The following PTPRQ variants were observed in gnomAD, a reference collection of about 807,000 sequenced individuals.
PTPRQ encodes the protein protein tyrosine phosphatase receptor type Q.
A neutral mutation model predicts 246.0 loss-of-function variants in PTPRQ; 199 were observed. That is an observed-to-expected ratio of 0.81 (90% confidence interval 0.72 to 0.91). PTPRQ has a LOEUF of 0.91. PTPRQ is among the 40% of genes least tolerant of loss of function. The probability of loss-of-function intolerance (pLI) is 0.00; values close to 1 mark genes in which losing one functional copy is unlikely to be tolerated. For missense variants in PTPRQ, 2,624 were observed against 2,528.4 expected (o/e 1.04, Z -0.81); for synonymous variants, 869 against 853.2 (o/e 1.02, Z -0.32).
intron 35 of PTPRQ, among the ~76,000 whole-genome samples, chr12:80,647,466 G>A (rs144597989): frequency 5.1e-4 from 77 of 152,174 alleles, no homozygotes; most frequent in African/African-American, 1.8e-3. Flanking sequence ...TATCTTAAGG[G>A]AGCTAGGTAG....
At chr12:80,561,345 G>A (rs1014993467) in intron 25 of PTPRQ, 3 of 152,422 alleles carry the variant, frequency 2.0e-5, no homozygotes, top group Non-Finnish European at 4.4e-5. Flanking sequence ...CTTCTTTTAC[G>A]TTCTGAAAAA....
intron 27 of PTPRQ, among the ~76,000 whole-genome samples, chr12:80,606,422 G>A (rs1296808068): frequency 6.6e-6 from 1 of 150,938 alleles, no homozygotes; most frequent in Non-Finnish European, 1.5e-5. Flanking sequence ...TAGCCATTTG[G>A]ATGGAAATCC....
intron 4 of PTPRQ, among the ~76,000 whole-genome samples, chr12:80,458,546 T>C (rs1236391670): frequency 6.6e-6 from 1 of 152,146 alleles, no homozygotes; most frequent in Non-Finnish European, 1.5e-5. Flanking sequence ...TTATTTTTTT[T>C]TTATCTCAGA....
At chr12:80,611,229 T>C (rs1440142779) in intron 28 of PTPRQ, among the ~76,000 whole-genome samples, 1 of 150,340 alleles carries the variant, frequency 6.7e-6, no homozygotes, top group Non-Finnish European at 1.5e-5. Flanking sequence ...AGAAATAAAT[T>C]TGGAAATCAA....
intron 10 of PTPRQ, 136 bp from the exon 11 acceptor site, chr12:80,494,797 T>A (rs1208404705): frequency 1.3e-6 from 1 of 778,130 alleles, no homozygotes; most frequent in African/African-American, 1.8e-5. Context: ...CACACCTAAC[T>A]TTAATAGAGG....
intron 25 of PTPRQ, among the ~76,000 whole-genome samples, chr12:80,560,503 A>G (rs1401877485): frequency 6.6e-6 from 1 of 152,192 alleles, no homozygotes; most frequent in East Asian, 1.9e-4. Context: ...ATGCAAAACA[A>G]TCCACTGTTA....
intron 24 of PTPRQ, among the ~76,000 whole-genome samples, chr12:80,549,242 A>G (rs1282975360): frequency 6.6e-6 from 1 of 152,108 alleles, no homozygotes; most frequent in Non-Finnish European, 1.5e-5. Context: ...ATATTTAGTG[A>G]CTGGTTCAAT....
intron 5 of PTPRQ, 39 bp downstream of exon 5, chr12:80,459,522 T>C (rs1370347187): frequency 5.4e-6 from 2 of 370,564 alleles, no homozygotes; most frequent in South Asian, 2.7e-4. Flanking sequence ...TTGAAAAATC[T>C]TAGATAAATT....
chr12:80,554,133 A>G (rs913266936), intron 25 of PTPRQ, among the ~76,000 whole-genome samples: 2 of 152,184 alleles, frequency 1.3e-5, no homozygotes, highest in African/African-American at 4.8e-5. Context: ...GGTAGAATGA[A>G]TAAGGTCTAG....
intron 26 of PTPRQ, among the ~76,000 whole-genome samples, chr12:80,601,936 T>C (rs924102857): frequency 7.2e-5 from 11 of 151,798 alleles, no homozygotes; most frequent in Non-Finnish European, 1.2e-4. Context: ...GCAGGGTATG[T>C]GTATGATTCC....
chr12:80,469,467 T>C (rs1893554300), intron 7 of PTPRQ, among the ~76,000 whole-genome samples: 1 of 152,124 alleles, frequency 6.6e-6, no homozygotes, highest in African/African-American at 2.4e-5. Context: ...TAGAAGTGAA[T>C]TATGTAAAGT....
intron 25 of PTPRQ, among the ~76,000 whole-genome samples, chr12:80,567,982 C>A (rs1897029290): frequency 2.0e-5 from 3 of 152,062 alleles, no homozygotes; most frequent in Admixed American, 2.0e-4. Flanking sequence ...TCACATTTTT[C>A]TGATGATTCA....
Position 80,510,360 on chromosome 12 carries a change from G to A in PTPRQ, c.2595G>A (p.Gln865=), listed in dbSNP as rs542985845. ...DSPPQDFSVK[Q]LSGVTVKLSW... is the part of the protein sequence containing the mutation. ...CCCCTCAAGACTTCTCTGTAAAACA[G>A]TTGTCTGGTGTCACGGTGAAGTTGT... The change falls in exon 17 of 45, where the codon CAG becomes CAA. Residue 865 remains glutamine (Q), a synonymous_variant. Coordinates refer to ENST00000644991, the MANE Select transcript of PTPRQ (RefSeq NM_001145026.2). The A allele has an allele frequency of 1.0e-5, 16 of 1,549,854 alleles. No individual in the cohort carries two copies. The Admixed American group carries it at 2.6e-4, about 25-fold the overall frequency.
intron 25 of PTPRQ, among the ~76,000 whole-genome samples, chr12:80,560,327 T>C (rs2120915223): frequency 6.6e-6 from 1 of 152,350 alleles, no homozygotes; most frequent in Non-Finnish European, 1.5e-5. Context: ...GCAAAGTCCA[T>C]GTATCAAATG....
rs1226280197 is a variant in PTPRQ at position 80,679,238 on chromosome 12, T to C, written c.*215T>C. 2.2e-6 allele frequency: 1 copy of C among 445,866 alleles called. No homozygotes were observed. The highest frequency in any genetic ancestry group is 3.6e-6 in the Non-Finnish European group (1 of 278,248). 27.6% of individuals were successfully genotyped at this position (445,866 alleles called of 1,614,324 possible). A position where few individuals can be genotyped will look rare whatever the true frequency, so the allele number is the denominator to read the frequency against. ...TTTTGTACAGAATAAATATTATGCA[T>C]TTTAAATGCTTAAGAAAAGACATCC... On this transcript the variant is annotated 3_prime_UTR_variant, in exon 45 of 45. Coordinates refer to ENST00000644991, the MANE Select transcript of PTPRQ (RefSeq NM_001145026.2).
chr12:80,613,631 TAC>T lies in PTPRQ; in HGVS notation c.4959_4960del (p.Pro1654ArgfsTer2). 3.9e-6 allele frequency: 6 copies of T among 1,545,380 alleles called. No homozygotes were observed. The highest frequency in any genetic ancestry group is 5.3e-6 in the Non-Finnish European group (6 of 1,142,752). On this transcript the variant is annotated frameshift_variant, in exon 29 of 45. Coordinates refer to ENST00000644991, the MANE Select transcript of PTPRQ (RefSeq NM_001145026.2). LOFTEE classifies it high-confidence loss of function. The stretch of plus-strand genomic sequence containing the variant: ...CCTAACAACATGACATTTCAGAAGA[TAC>T]CAGATGAAGTTACAAAATTTCAATT...
At chr12:80,501,867 G>T (rs1412926135) in intron 14 of PTPRQ, among the ~76,000 whole-genome samples, 5 of 151,822 alleles carry the variant, frequency 3.3e-5, no homozygotes, top group Admixed American at 3.3e-4. Flanking sequence ...GGAGGTCATT[G>T]GTGACTTCAC....
rs1896192339 is a variant in PTPRQ at position 80,542,762 on chromosome 12, ATCAACTGTACT to A, written c.3758_3768del (p.Asn1253ArgfsTer18). On this transcript the variant is annotated frameshift_variant, in exon 23 of 45. Transcript: ENST00000644991. LOFTEE classifies it high-confidence loss of function. Reference sequence around the variant, plus strand: ...AGCACCTCCACAAAATTTGACTTTAATCAACTGTACTTCAGACTTTGTATGGCTGAAATGGA... The same window carrying A: ...AGCACCTCCACAAAATTTGACTTTAATCAGACTTTGTATGGCTGAAATGGA... The A allele has an allele frequency of 1.3e-6, 2 of 1,547,792 alleles. No individual in the cohort carries two copies. The highest frequency in any genetic ancestry group is 2.4e-5 in the South Asian group (2 of 82,838).
At chr12:80,596,644 T>C (rs1897979065) in intron 26 of PTPRQ, among the ~76,000 whole-genome samples, 1 of 152,076 alleles carries the variant, frequency 6.6e-6, no homozygotes, top group South Asian at 2.1e-4. Flanking sequence ...AAGTGTAAAG[T>C]AGGTGTAATA....
Sources: gnomAD v4.1 joint callset for allele counts (sites outside exome capture counted in the v4.1 genomes callset) on GRCh38, gnomAD v4.1.1 for gene constraint, MANE v1.5 for transcripts, NCBI Gene and HGNC (gene_info 2026-07-23, HGNC 2026-07-21) for gene names.